The following RIPOR2 variants were observed in gnomAD, a reference collection of about 807,000 sequenced individuals.
RIPOR2 encodes rho family-interacting cell polarization regulator 2.
RIPOR2 carries 39 observed loss-of-function variants against 114.5 expected under a neutral mutation model. That is an observed-to-expected ratio of 0.34 (90% CI 0.26 to 0.44). The LOEUF is 0.44. Among genes scored for constraint, RIPOR2 ranks in the 20% least tolerant of loss-of-function variants. The pLI is 1.00. For synonymous variants in RIPOR2, 445 were observed against 484.4 expected (o/e 0.92, Z 1.07); for missense variants, 1,007 against 1,255.1 (o/e 0.80, Z 2.99).
In RIPOR2 at chr6:24,849,939, G is replaced by C; in HGVS notation, c.897C>G (p.Leu299=). 1 of 1,613,692 alleles carries C rather than the reference G, an allele frequency of 6.2e-7. No homozygotes were observed. Among genetic ancestry groups the C allele is most frequent in the Non-Finnish European group, 8.5e-7 (1 of 1,179,710 alleles). The change falls in exon 11 of 22, where the codon CTC becomes CTG. Residue 299 remains leucine (L), a synonymous_variant. Transcript: ENST00000643898. ...CCAGGATGTGAGTTGCTAGCCCTTT[G>C]AGCTCCGTGACCTAGCAGAGAGAGT... ...VGFISIKVTE[L]KGLATHILVG...
chr6:25,020,307 A>C (rs1026671788), intron 1 of RIPOR2, among the ~76,000 whole-genome samples: 1 of 152,216 alleles, frequency 6.6e-6, no homozygotes, highest in Admixed American at 6.5e-5. Flanking sequence ...GATCCTTCTG[A>C]TTTAGTTAGA....
At chr6:24,861,078 A>T (rs375738994) in intron 7 of RIPOR2, 42 bp from the exon 8 acceptor site, 37 of 1,417,350 alleles carry the variant, frequency 2.6e-5, no homozygotes, top group African/African-American at 7.0e-5. Context: ...CTAGCCTTTC[A>T]CCCAACAGCT....
intron 1 of RIPOR2, among the ~76,000 whole-genome samples, chr6:24,956,943 T>A (rs1319945448): frequency 6.6e-6 from 1 of 152,230 alleles, no homozygotes; most frequent in Non-Finnish European, 1.5e-5. Flanking sequence ...GGTTAACAAA[T>A]GATCCAAGTT....
rs1554130560 is a variant in RIPOR2 at position 25,005,738 on chromosome 6, T to TATACACAC, written c.76+36112_76+36113insGTGTGTAT. 5.5e-4 allele frequency among the ~76,000 whole-genome samples: 39 copies of TATACACAC among 70,700 alleles called. 2 individuals carry two copies. Among genetic ancestry groups the TATACACAC allele is most frequent in the South Asian group, 1.0e-3 (2 of 1,990 alleles). 46.4% of individuals were successfully genotyped at this position (70,700 alleles called of 152,430 possible). A position where few individuals can be genotyped will look rare whatever the true frequency, so the allele number is the denominator to read the frequency against. On this transcript the variant is annotated intron_variant, in intron 1 of 13. Coordinates refer to the RIPOR2 transcript ENST00000510784. ...ATATATATATATATATATATATATA[T>TATACACAC]ATACATTTACCGATCAAAAGATATG... is the stretch of plus-strand genomic sequence containing the variant.
intron 1 of RIPOR2, among the ~76,000 whole-genome samples, chr6:25,010,498 T>A (rs1436349756): frequency 6.6e-6 from 1 of 152,212 alleles, no homozygotes; most frequent in Non-Finnish European, 1.5e-5. Context: ...TACACAGTTT[T>A]TCCTTTAGGG....
intron 1 of RIPOR2, among the ~76,000 whole-genome samples, chr6:24,935,317 CAACAAAAAAAAA>C (rs1465308707): frequency 7.5e-5 from 6 of 79,734 alleles, no homozygotes; most frequent in Non-Finnish European, 1.3e-4. Context: ...CAAAAAACAA[CAACAAAAAAAAA>C]AAAAAAAAAA....
Position 25,013,752 on chromosome 6 carries a change from A to C in RIPOR2, c.76+28099T>G, listed in dbSNP as rs375961777. 2.6e-5 allele frequency among the ~76,000 whole-genome samples: 4 copies of C among 152,286 alleles called. No individual in the cohort carries two copies. The South Asian group carries it at 8.3e-4, about 32-fold the overall frequency. On this transcript the variant is annotated intron_variant, in intron 1 of 13. Transcript: ENST00000510784. ...TTTGTATAATTAATATCAAATTTTC[A>C]AATCAGAAAGTGAGTGTTGAAATGG...
intron 1 of RIPOR2, among the ~76,000 whole-genome samples, chr6:24,921,328 A>AT (rs879468028): frequency 0.038 from 5,271 of 139,654 alleles, 141 homozygotes; most frequent in African/African-American, 0.083. Context: ...ACACCCAGCT[A>AT]TTTTTTTTTT....
Position 24,865,368 on chromosome 6 carries a change from G to T in RIPOR2, c.584C>A (p.Ser195Tyr). The T allele has an allele frequency of 1.2e-6, 2 of 1,613,534 alleles. No homozygotes were observed. The highest frequency in any genetic ancestry group is 1.7e-6 in the Non-Finnish European group (2 of 1,179,610). The stretch of plus-strand genomic sequence containing the variant: ...CTCCCGGGCAGCTTTGCTGGCAGGG[G>T]ATGTTGCGAAGGCTTGCTTCATTTT... ...ASKMKQAFAT[S>Y]PASKAARESL... is the part of the protein sequence containing the mutation. Residue 195 changes from serine (S) to tyrosine (Y), a missense_variant, in exon 7 of 22, where the codon TCC (serine) becomes TAC (tyrosine). Physicochemically the swap from Ser to Tyr is moderately radical, Grantham distance 144 (BLOSUM62 -2). Transcript: ENST00000643898.
chr6:24,959,066 T>C (rs560313789), intron 1 of RIPOR2, among the ~76,000 whole-genome samples: 1 of 151,612 alleles, frequency 6.6e-6, no homozygotes, highest in South Asian at 2.1e-4. Context: ...TCCTCCAGCT[T>C]TGATCTTACA....
intron 1 of RIPOR2, among the ~76,000 whole-genome samples, chr6:24,981,318 G>A (rs976958839): frequency 1.3e-5 from 2 of 152,148 alleles, no homozygotes; most frequent in African/African-American, 2.4e-5. Flanking sequence ...CTTACCCTGC[G>A]CACTTTTTCT....
chr6:25,029,372 TCCAA>T lies in RIPOR2; in HGVS notation c.76+12475_76+12478del, dbSNP rs370842897. Among the ~76,000 whole-genome samples, 284 of 117,146 alleles carry T rather than the reference TCCAA, an allele frequency of 2.4e-3. 3 individuals are homozygous for T. Among genetic ancestry groups the T allele is most frequent in the East Asian group, 0.022 (87 of 3,954 alleles). The allele number at this position is 117,146 out of a possible 152,430, so 76.9% of individuals were successfully genotyped here. ...GTGAGCCGAGATCGCGCCGCTGCAC[TCCAA>T]CCTGGACGACAGAGCGAGACTCCGT... On this transcript the variant is annotated intron_variant, in intron 1 of 13. Coordinates refer to the RIPOR2 transcript ENST00000510784.
At chr6:24,969,160 G>A (rs1056219195) in intron 1 of RIPOR2, among the ~76,000 whole-genome samples, 21 of 152,180 alleles carry the variant, frequency 1.4e-4, no homozygotes, top group African/African-American at 5.1e-4. Flanking sequence ...CCACCCAGTA[G>A]TCCTGGGAGG....
intron 1 of RIPOR2, among the ~76,000 whole-genome samples, chr6:24,919,736 G>A (rs1379109842): frequency 6.6e-6 from 1 of 152,220 alleles, no homozygotes; most frequent in Non-Finnish European, 1.5e-5. Flanking sequence ...GCCTCTCTGA[G>A]AAGTGCCTCT....
intron 20 of RIPOR2, among the ~76,000 whole-genome samples, chr6:24,818,155 G>A (rs1759333193): frequency 6.6e-6 from 1 of 151,818 alleles, no homozygotes; most frequent in Admixed American, 6.6e-5. Context: ...TAGAGATGAG[G>A]TTTCACCATG....
chr6:25,006,352 T>C (rs1488544499), intron 1 of RIPOR2, among the ~76,000 whole-genome samples: 1 of 152,222 alleles, frequency 6.6e-6, no homozygotes, highest in East Asian at 1.9e-4. Flanking sequence ...TGGCCTCTCA[T>C]GGTTCTCATG....
intron 1 of RIPOR2, among the ~76,000 whole-genome samples, chr6:25,041,389 A>G (rs1032112408): frequency 1.2e-4 from 19 of 152,204 alleles, no homozygotes; most frequent in South Asian, 4.1e-4. Flanking sequence ...GAAGCATACA[A>G]TTGGGCCCTT....
intron 18 of RIPOR2, among the ~76,000 whole-genome samples, chr6:24,826,174 G>T (rs770771994): frequency 6.6e-6 from 1 of 151,950 alleles, no homozygotes; most frequent in African/African-American, 2.4e-5. Flanking sequence ...TGATCCACCC[G>T]CCTTGGACTC....
chr6:25,012,600 T>C (rs1775818087), intron 1 of RIPOR2, among the ~76,000 whole-genome samples: 4 of 152,202 alleles, frequency 2.6e-5, no homozygotes, highest in Admixed American at 6.5e-5. Flanking sequence ...AAAAACATTA[T>C]GCTAATTGAA....
Sources: allele counts gnomAD v4.1 joint callset (sites outside exome capture counted in the v4.1 genomes callset), GRCh38; gene constraint gnomAD v4.1.1; transcripts MANE v1.5; gene names NCBI Gene and HGNC (gene_info 2026-07-23, HGNC 2026-07-21).